Variants in GPHN observed in about 807,000 individuals in gnomAD.
GPHN encodes the protein gephyrin.
GPHN carries 17 observed loss-of-function variants against 95.5 expected under a neutral mutation model. The ratio of observed to expected loss-of-function variants is 0.18; its 90% CI spans 0.12 to 0.27. GPHN has a LOEUF of 0.27. Ranked by LOEUF, GPHN falls within the 10% of genes least tolerant of loss-of-function variation. GPHN has a pLI of 1.00. For missense variants in GPHN, 660 were observed against 978.1 expected (o/e 0.67, Z 4.34); for synonymous variants, 320 against 322.5 (o/e 0.99, Z 0.08).
intron 1 of GPHN, among the ~76,000 whole-genome samples, chr14:66,546,176 G>C (rs572849476): frequency 3.3e-5 from 5 of 149,588 alleles, no homozygotes; most frequent in Admixed American, 6.6e-5. Flanking sequence ...ATGGGATGGC[G>C]GCCGGGAAGA....
chr14:67,593,918 G>C, the GPHN span: 27 of 1,613,190 alleles, frequency 1.7e-5, no homozygotes, highest in Non-Finnish European at 2.2e-5. Context: ...ACCTAAGAGG[G>C]TGATGAAGAT....
At chr14:67,194,824 A>G in the GPHN span, among the ~76,000 whole-genome samples, 1 of 152,086 alleles carries the variant, frequency 6.6e-6, no homozygotes, top group African/African-American at 2.4e-5. Context: ...TGCCAGGCTA[A>G]TTTTTATATT....
chr14:67,657,912 C>A, the GPHN span, among the ~76,000 whole-genome samples: 1,059 of 152,200 alleles, frequency 7.0e-3, 15 homozygotes, highest in African/African-American at 0.024. Flanking sequence ...CCACGCCCAG[C>A]TAATTTTTGT....
At chr14:67,373,484 A>C in the GPHN span, among the ~76,000 whole-genome samples, 2 of 152,194 alleles carry the variant, frequency 1.3e-5, no homozygotes, top group African/African-American at 4.8e-5. Context: ...ACAAGAACTA[A>C]AAGGGAATTT....
chr14:67,066,891 G>A (rs2076081018), intron 11 of GPHN, among the ~76,000 whole-genome samples: 1 of 152,112 alleles, frequency 6.6e-6, no homozygotes, highest in Non-Finnish European at 1.5e-5. Flanking sequence ...CTTTAGCTCG[G>A]AGAAGTTTGT....
intron 17 of GPHN, among the ~76,000 whole-genome samples, chr14:67,132,767 T>A (rs2079800902): frequency 6.6e-6 from 1 of 151,956 alleles, no homozygotes; most frequent in South Asian, 2.1e-4. Flanking sequence ...TCATAAAAAG[T>A]AATGTCTTCC....
chr14:66,526,336 C>A (rs555661045), intron 1 of GPHN, among the ~76,000 whole-genome samples: 1 of 152,080 alleles, frequency 6.6e-6, no homozygotes, highest in Non-Finnish European at 1.5e-5. Flanking sequence ...GATTTTGTAT[C>A]CTGAGAGTTT....
chr14:66,621,506 G>A (rs1750831503), intron 1 of GPHN, among the ~76,000 whole-genome samples: 1 of 151,026 alleles, frequency 6.6e-6, no homozygotes, highest in African/African-American at 2.4e-5. Flanking sequence ...CTCACTGCCA[G>A]CTCCACCCCC....
At chr14:67,453,624 T>G in the GPHN span, among the ~76,000 whole-genome samples, 1 of 152,204 alleles carries the variant, frequency 6.6e-6, no homozygotes, top group South Asian at 2.1e-4. Flanking sequence ...CAGGATGGTG[T>G]CCCTGTCTCA....
chr14:66,906,809 A>G (rs1462153541), intron 5 of GPHN, among the ~76,000 whole-genome samples: 1 of 152,138 alleles, frequency 6.6e-6, no homozygotes, highest in Non-Finnish European at 1.5e-5. Flanking sequence ...ACTGATTTCA[A>G]CTTTGCTTCC....
rs539369744 is a variant in GPHN at position 66,833,968 on chromosome 14, C to T, written c.294+9402C>T. 2.0e-5 allele frequency among the ~76,000 whole-genome samples: 3 copies of T among 152,226 alleles called. No homozygotes were observed. In the South Asian group the frequency reaches 6.2e-4, roughly 32 times the overall value. On this transcript the variant is annotated intron_variant, in intron 4 of 22. Coordinates refer to ENST00000478722, the MANE Select transcript of GPHN (RefSeq NM_020806.5). ...AACAAAGACCTTCATGTTCAAAGCCCTAGCATGCCCTTTTCATCATTCCAG... is the reference window on the plus strand; with the variant it reads ...AACAAAGACCTTCATGTTCAAAGCCTTAGCATGCCCTTTTCATCATTCCAG...
At chr14:67,280,850 TC>T in the GPHN span, among the ~76,000 whole-genome samples, 1 of 120,118 alleles carries the variant, frequency 8.3e-6, no homozygotes, top group African/African-American at 4.0e-5. Flanking sequence ...CTTCCTTCCT[TC>T]CTTCCCTCCC....
chr14:67,245,471 A>T, the GPHN span, among the ~76,000 whole-genome samples: 20 of 152,132 alleles, frequency 1.3e-4, no homozygotes, highest in African/African-American at 3.6e-4. Flanking sequence ...GCCCATTTTT[A>T]AATTGGATTA....
At chr14:67,655,053 A>AT in the GPHN span, among the ~76,000 whole-genome samples, 2 of 150,254 alleles carry the variant, frequency 1.3e-5, no homozygotes, top group African/African-American at 2.4e-5. Context: ...AAAAAAAAAA[A>AT]TTCCAGCTGG....
chr14:66,775,132 TA>T (rs1209278664), intron 2 of GPHN, among the ~76,000 whole-genome samples: 3 of 152,156 alleles, frequency 2.0e-5, no homozygotes, highest in Non-Finnish European at 4.4e-5. Context: ...ACCCAAGTAA[TA>T]AGCATAGTTT....
the GPHN span, among the ~76,000 whole-genome samples, chr14:67,371,276 G>A: frequency 6.6e-6 from 1 of 151,826 alleles, no homozygotes; most frequent in Non-Finnish European, 1.5e-5. Flanking sequence ...TTAGCTGGGT[G>A]TGGTGGTGTG....
At chr14:67,579,667 A>G in the GPHN span, 1 of 1,563,658 alleles carries the variant, frequency 6.4e-7, no homozygotes, top group Non-Finnish European at 8.7e-7. Context: ...CACCAGCCCT[A>G]GTGAGCTCCT....
rs561574413 is a variant in GPHN at position 66,734,334 on chromosome 14, A to G, written c.144-42130A>G. ...ATTTTTCTCCTCACTCTCTTCCTACAAGCTATGCTGGCTGCCTTTTCATTG... is the reference window on the plus strand; with the variant it reads ...ATTTTTCTCCTCACTCTCTTCCTACGAGCTATGCTGGCTGCCTTTTCATTG... On this transcript the variant is annotated intron_variant, in intron 2 of 22. Coordinates refer to ENST00000478722, the MANE Select transcript of GPHN (RefSeq NM_020806.5). Among the ~76,000 whole-genome samples the G allele has an allele frequency of 2.2e-4, 33 of 152,122 alleles. 1 individual carries two copies. The highest frequency in any genetic ancestry group is 7.9e-4 in the African/African-American group (33 of 41,516).
At chr14:67,029,622 C>T (rs1052638733) in intron 10 of GPHN, among the ~76,000 whole-genome samples, 4 of 152,214 alleles carry the variant, frequency 2.6e-5, no homozygotes, top group African/African-American at 9.6e-5. Context: ...CAGGCGTGAG[C>T]CACTGCGCCC....
Sources: allele counts gnomAD v4.1 joint callset (sites outside exome capture counted in the v4.1 genomes callset), GRCh38; gene constraint gnomAD v4.1.1; transcripts MANE v1.5; gene names NCBI Gene and HGNC (gene_info 2026-07-23, HGNC 2026-07-21).